LINGO2: variants seen among roughly 807,000 people sequenced by gnomAD.
LINGO2 encodes the protein leucine-rich repeat and immunoglobulin-like domain-containing nogo receptor-interacting protein 2.
LINGO2 carries 14 observed loss-of-function variants against 30.6 expected under a neutral mutation model. That is an observed-to-expected ratio of 0.46 (90% confidence interval 0.30 to 0.72). The LOEUF (loss-of-function observed/expected upper bound fraction) is 0.72, where lower values mean the gene tolerates loss of function less well. Ranked by LOEUF, LINGO2 falls within the 30% of genes least tolerant of loss-of-function variation. The probability of loss-of-function intolerance (pLI) is 0.07; values close to 1 mark genes in which losing one functional copy is unlikely to be tolerated. For missense variants in LINGO2, 729 were observed against 751.7 expected (o/e 0.97, Z 0.35); for synonymous variants, 317 against 288.5 (o/e 1.10, Z -1.00).
In LINGO2 at chr9:28,147,475, G is replaced by A. The variant is rs887087915; in HGVS notation, c.-86-135070C>T. Reference sequence around the variant, plus strand: ...GGCCCTTGAGGCCACGGCAGCCATGGAGAAGGCGGGCCTGGCTCCAGGCAG... The same window carrying A: ...GGCCCTTGAGGCCACGGCAGCCATGAAGAAGGCGGGCCTGGCTCCAGGCAG... On this transcript the variant is annotated intron_variant, in intron 4 of 5. Transcript: ENST00000379992. This position sits in a 1 kb window ranked among gnomAD's most constrained non-coding sequence, Gnocchi z 4.7. Among the ~76,000 whole-genome samples, 2 of 152,224 alleles carry A rather than the reference G, an allele frequency of 1.3e-5. No homozygotes were observed. Among genetic ancestry groups the A allele is most frequent in the Non-Finnish European group, 2.9e-5 (2 of 68,038 alleles).
chr9:28,244,869 C>A (rs982743123), intron 4 of LINGO2, among the ~76,000 whole-genome samples: 16 of 150,134 alleles, frequency 1.1e-4, no homozygotes, highest in Non-Finnish European at 1.9e-4. Flanking sequence ...CAAATTCTAC[C>A]AGAGGTACAA....
chr9:28,657,865 CCTT>C lies in LINGO2; in HGVS notation c.-365+12332_-365+12334del, dbSNP rs1446074312. 3.3e-5 allele frequency among the ~76,000 whole-genome samples: 5 copies of C among 151,760 alleles called. No individual in the cohort carries two copies. The East Asian group carries it at 9.7e-4, about 29-fold the overall frequency. ...AGATGGTTGATTTGAGATATTTCTT[CCTT>C]CTTATAAATATTTATAGCTACAAAC... On this transcript the variant is annotated intron_variant, in intron 1 of 5. Coordinates refer to ENST00000379992, the Ensembl canonical transcript of LINGO2.
intron 1 of LINGO2, among the ~76,000 whole-genome samples, chr9:28,591,052 G>T (rs1484978324): frequency 6.6e-6 from 1 of 151,724 alleles, no homozygotes; most frequent in Non-Finnish European, 1.5e-5. Context: ...GCAAACTATT[G>T]CAAGGACAAA....
chr9:28,349,788 A>G (rs1206936463), intron 3 of LINGO2, among the ~76,000 whole-genome samples: 1 of 151,790 alleles, frequency 6.6e-6, no homozygotes, highest in Non-Finnish European at 1.5e-5. Flanking sequence ...CCATCAGACT[A>G]ACAGCGGATC....
chr9:28,083,174 G>A (rs572148087), intron 4 of LINGO2, among the ~76,000 whole-genome samples: 1 of 152,254 alleles, frequency 6.6e-6, no homozygotes, highest in Admixed American at 6.5e-5. Flanking sequence ...TCCCAGATAG[G>A]ACCTGCTTTT....
chr9:28,050,179 A>T (rs1193654172), intron 4 of LINGO2, among the ~76,000 whole-genome samples: 2 of 150,546 alleles, frequency 1.3e-5, no homozygotes, highest in Admixed American at 6.7e-5. Flanking sequence ...ATTCTGAATA[A>T]AAAGGAGGAA....
chr9:28,767,448 G>T, the LINGO2 span, among the ~76,000 whole-genome samples: 1 of 151,990 alleles, frequency 6.6e-6, no homozygotes, highest in Non-Finnish European at 1.5e-5. Flanking sequence ...TATTATCCAA[G>T]TATGCATCCT....
At chr9:29,135,874 G>A in the LINGO2 span, among the ~76,000 whole-genome samples, 1 of 152,224 alleles carries the variant, frequency 6.6e-6, no homozygotes, top group South Asian at 2.1e-4. Context: ...CTCATACAGT[G>A]TTTGTCTTTT....
chr9:28,389,402 T>C (rs938380015), intron 2 of LINGO2, among the ~76,000 whole-genome samples: 3 of 152,198 alleles, frequency 2.0e-5, no homozygotes, highest in African/African-American at 7.2e-5. Context: ...AAGCTACATA[T>C]CAGAGTTTTA....
At chr9:28,608,473 G>C (rs1325228463) in intron 1 of LINGO2, among the ~76,000 whole-genome samples, 12 of 151,822 alleles carry the variant, frequency 7.9e-5, no homozygotes, top group Admixed American at 7.9e-4. Context: ...AAACCCCCTG[G>C]AAGGCCTTCT....
upstream of LINGO2, among the ~76,000 whole-genome samples, chr9:28,672,258 G>C (rs552021364): frequency 5.3e-5 from 8 of 152,132 alleles, no homozygotes; most frequent in Non-Finnish European, 1.0e-4. Context: ...TGCATTTTAC[G>C]AATTTCTGCA....
At chr9:29,166,024 G>A in the LINGO2 span, among the ~76,000 whole-genome samples, 6 of 151,974 alleles carry the variant, frequency 3.9e-5, no homozygotes, top group Non-Finnish European at 5.9e-5. Flanking sequence ...CAAGTAATAC[G>A]TTTAATAATT....
At chr9:28,525,628 G>A (rs1820995342) in intron 1 of LINGO2, among the ~76,000 whole-genome samples, 2 of 152,184 alleles carry the variant, frequency 1.3e-5, no homozygotes, top group Admixed American at 1.3e-4. Context: ...TATAGAGACA[G>A]AAAGTAGATC....
At chr9:28,187,540 G>T (rs1191190477) in intron 4 of LINGO2, among the ~76,000 whole-genome samples, 1 of 151,750 alleles carries the variant, frequency 6.6e-6, no homozygotes, top group Non-Finnish European at 1.5e-5. Flanking sequence ...CCAAAGTTTT[G>T]GGCTTCACTA....
intron 4 of LINGO2, among the ~76,000 whole-genome samples, chr9:28,245,732 A>C (rs1821973595): frequency 4.1e-5 from 6 of 148,058 alleles, no homozygotes; most frequent in Admixed American, 4.0e-4. Flanking sequence ...AATATAGCTA[A>C]GAAGGGATGT....
At chr9:27,966,811 G>A (rs1820125610) in intron 5 of LINGO2, among the ~76,000 whole-genome samples, 1 of 152,162 alleles carries the variant, frequency 6.6e-6, no homozygotes, top group East Asian at 1.9e-4. Context: ...TGTGATAATT[G>A]TTCAGGTTTC....
At chr9:27,971,114 C>G (rs1015234621) in intron 5 of LINGO2, among the ~76,000 whole-genome samples, 1 of 151,658 alleles carries the variant, frequency 6.6e-6, no homozygotes, top group Admixed American at 6.6e-5. Context: ...AAAGTCAAAC[C>G]CCAAGTTCTA....
At chr9:29,110,688 T>A in the LINGO2 span, among the ~76,000 whole-genome samples, 294 of 148,332 alleles carry the variant, frequency 2.0e-3, 1 homozygote, top group African/African-American at 7.0e-3. Flanking sequence ...TGGAAGTTAC[T>A]TTGTTTTTTT....
chr9:28,980,179 T>C, the LINGO2 span, among the ~76,000 whole-genome samples: 4 of 152,048 alleles, frequency 2.6e-5, no homozygotes, highest in African/African-American at 7.2e-5. Context: ...CCAAACCACA[T>C]GACTCTACCT....
Sources: gnomAD v4.1 joint callset for allele counts (sites outside exome capture counted in the v4.1 genomes callset) on GRCh38, gnomAD v4.1.1 for gene constraint, Gnocchi (gnomAD v3.1) non-coding constraint, MANE v1.5 for transcripts, NCBI Gene and HGNC (gene_info 2026-07-23, HGNC 2026-07-21) for gene names.